MMP3: variants seen among roughly 807,000 people sequenced by gnomAD.
MMP3 encodes matrix metallopeptidase 3.
In MMP3, 46 loss-of-function variants were observed where a neutral mutation model predicts 47.3. That is an observed-to-expected ratio of 0.97 (90% CI 0.77 to 1.24). The LOEUF (loss-of-function observed/expected upper bound fraction) is 1.24, where lower values mean the gene tolerates loss of function less well. MMP3 is among the 50% of genes most tolerant of loss of function. The pLI is 0.00. For synonymous variants in MMP3, 216 were observed against 206.5 expected, an observed-to-expected ratio of 1.05 and a Z score of -0.39; for missense variants, 558 against 565.5, an observed-to-expected ratio of 0.99 and a Z score of 0.13.
At position 102,836,287 on chromosome 11, in the gene MMP3, T is replaced by C. The variant is rs1555004541; in HGVS notation, c.1334-61A>G. 1 of 1,301,262 alleles carries C rather than the reference T, an allele frequency of 7.7e-7. No individual in the cohort carries two copies. The highest frequency in any genetic ancestry group is 1.1e-6 in the Non-Finnish European group (1 of 903,324). 80.6% of individuals were successfully genotyped at this position (1,301,262 alleles called of 1,614,324 possible). ...TTCCAAATAAAGACATTTGACAATA[T>C]ACAAAACTCAGAATCATAGAGAACT... is the stretch of plus-strand genomic sequence containing the variant. On this transcript the variant is annotated intron_variant, in intron 9 of 9. Transcript: ENST00000299855. The surrounding 1 kb of genome is among the most constrained non-coding windows in gnomAD (Gnocchi z 4.6).
At chr11:102,843,073 C>T (rs1256766148) in intron 1 of MMP3, among the ~76,000 whole-genome samples, 157 bp from the exon 2 acceptor site, 1 of 150,736 alleles carries the variant, frequency 6.6e-6, no homozygotes, top group Non-Finnish European at 1.5e-5. Flanking sequence ...ATACTAGCAA[C>T]ACAAATATTT....
intron 4 of MMP3, among the ~76,000 whole-genome samples, chr11:102,841,403 C>A (rs1555005397): frequency 6.6e-6 from 1 of 152,176 alleles, no homozygotes; most frequent in Non-Finnish European, 1.5e-5. Flanking sequence ...CTCAACCAAT[C>A]AAGAATTCTA....
intron 3 of MMP3, 43 bp from the exon 4 acceptor site, chr11:102,842,322 C>T: frequency 6.4e-7 from 1 of 1,573,116 alleles, no homozygotes; most frequent in Non-Finnish European, 8.6e-7. Context: ...TAACAAGGAT[C>T]CCTTTTGAGC....
Position 102,836,153 on chromosome 11 carries a change from C to T in MMP3, c.1407G>A (p.Leu469=). 5 of 1,613,830 alleles carry T rather than the reference C, an allele frequency of 3.1e-6. No individual in the cohort carries two copies. Among genetic ancestry groups the T allele is most frequent in the Non-Finnish European group, 4.2e-6 (5 of 1,179,752 alleles). The stretch of plus-strand genomic sequence containing the variant: ...AACAATTAAGCCAGCTGTTACTCTT[C>T]AAAGTGTGTGTCACTTTCTTTGCAT... ...DPNAKKVTHT[L]KSNSWLNC Residue 469 remains leucine, a synonymous_variant, in exon 10 of 10, where the codon TTG becomes TTA. Transcript: ENST00000299855. The surrounding 1 kb of genome is among the most constrained non-coding windows in gnomAD (Gnocchi z 4.6).
chr11:102,838,244 G>A (rs1419040644), intron 8 of MMP3, among the ~76,000 whole-genome samples: 5 of 152,118 alleles, frequency 3.3e-5, no homozygotes, highest in African/African-American at 4.8e-5. Context: ...CTGCATGGAG[G>A]TGATGAGACT....
At chr11:102,840,736 G>C (rs1291024224) in intron 4 of MMP3, 143 bp from the exon 5 acceptor site, 1 of 768,314 alleles carries the variant, frequency 1.3e-6, no homozygotes, top group African/African-American at 1.8e-5. Context: ...TTGAACAATT[G>C]ACTAATTACA....
In MMP3 at chr11:102,837,534, G is replaced by A. The variant is rs1461735152; in HGVS notation, c.1230-133C>T. On this transcript the variant is annotated intron_variant, in intron 8 of 9. Coordinates refer to ENST00000299855, the MANE Select transcript of MMP3 (RefSeq NM_002422.5). The surrounding 1 kb of genome is among the most constrained non-coding windows in gnomAD (Gnocchi z 4.4). ...GCAAATAAATGCCAAGCATATTTGG[G>A]ACTATAGAAATATGTGACTTTAATG... is the stretch of plus-strand genomic sequence containing the variant. 1.5e-6 allele frequency: 1 copy of A among 665,084 alleles called. No homozygotes were observed. The highest frequency in any genetic ancestry group is 2.6e-6 in the Non-Finnish European group (1 of 387,152). 41.2% of individuals were successfully genotyped at this position (665,084 alleles called of 1,614,324 possible). A position where few individuals can be genotyped will look rare whatever the true frequency, so the allele number is the denominator to read the frequency against.
intron 8 of MMP3, 112 bp downstream of exon 8, chr11:102,838,439 C>T (rs1234039614): frequency 9.4e-6 from 11 of 1,164,082 alleles, no homozygotes; most frequent in Admixed American, 6.9e-5. Flanking sequence ...GAAGTCCCAT[C>T]CTTCCTACTA....
intron 4 of MMP3, among the ~76,000 whole-genome samples, chr11:102,841,509 A>AT (rs1377941497): frequency 1.7e-4 from 26 of 152,106 alleles, no homozygotes; most frequent in Non-Finnish European, 2.6e-4. Flanking sequence ...TTGTTTTCCT[A>AT]TTTTTTTAGA....
intron 4 of MMP3, among the ~76,000 whole-genome samples, chr11:102,840,878 A>G (rs1248556247): frequency 6.6e-6 from 1 of 150,422 alleles, no homozygotes; most frequent in Non-Finnish European, 1.5e-5. Flanking sequence ...TATTAACTCC[A>G]GAAGAACCAG....
Position 102,837,348 on chromosome 11 carries a change from T to C in MMP3, c.1283A>G (p.Glu428Gly), listed in dbSNP as rs782820652. 13 of 1,613,910 alleles carry C rather than the reference T, an allele frequency of 8.1e-6. 1 individual carries two copies. In the South Asian group the frequency reaches 1.4e-4, roughly 18 times the overall value. The change falls in exon 9 of 10, where the codon GAA (glutamate) becomes GGA (glycine). Residue 428 changes from glutamate (E) to glycine (G), a missense_variant. By Grantham distance (98) the Glu-to-Gly change is moderately conservative. Transcript: ENST00000299855. The surrounding 1 kb of genome is among the most constrained non-coding windows in gnomAD (Gnocchi z 4.4). ...MEPGFPKQIAEDFPGIDSKID... is the reference protein window; with the variant it reads ...MEPGFPKQIAGDFPGIDSKID... Reference sequence around the variant, plus strand: ...CTTTGAGTCAATCCCTGGAAAGTCTTCAGCTATTTGCTTGGGAAAGCCTGG... The same window carrying C: ...CTTTGAGTCAATCCCTGGAAAGTCTCCAGCTATTTGCTTGGGAAAGCCTGG...
At chr11:102,842,404 C>CTTTTTTTTTTTTTTTTTTTTTTTTTT (rs11418340) in intron 3 of MMP3, 27 bp downstream of exon 3, 19 of 813,332 alleles carry the variant, frequency 2.3e-5, no homozygotes, top group African/African-American at 5.9e-5. Context: ...TTTTGTTTTG[C>CTTTTTTTTTTTTTTTTTTTTTTTTTT]TTTTTTTTTT....
chr11:102,841,140 A>G (rs185188977), intron 4 of MMP3, among the ~76,000 whole-genome samples: 2 of 152,338 alleles, frequency 1.3e-5, no homozygotes, highest in Admixed American at 1.3e-4. Context: ...TTTAAAACAC[A>G]GTATGCCCAA....
At chr11:102,841,442 C>A (rs538917131) in intron 4 of MMP3, among the ~76,000 whole-genome samples, 48 of 152,276 alleles carry the variant, frequency 3.2e-4, no homozygotes, top group African/African-American at 1.2e-3. Flanking sequence ...TTTGTACGTC[C>A]TACAGAGGTT....
In MMP3 at chr11:102,842,290, A is replaced by C. The variant is rs1555005588; in HGVS notation, c.500-11T>G. 2 of 1,594,558 alleles carry C rather than the reference A, an allele frequency of 1.3e-6. No homozygotes were observed. The highest frequency in any genetic ancestry group is 8.5e-7 in the Non-Finnish European group (1 of 1,174,160). On this transcript the variant is annotated splice_polypyrimidine_tract_variant and intron_variant, in intron 3 of 9. Coordinates refer to ENST00000299855, the MANE Select transcript of MMP3 (RefSeq NM_002422.5). ...AAAAGTCTCCATGTTCTAGTAGGAA[A>C]AAAATTTATTGGAAAGATATGTAAC...
At chr11:102,838,519 C>A in intron 8 of MMP3, 32 bp downstream of exon 8, 1 of 1,597,220 alleles carries the variant, frequency 6.3e-7, no homozygotes, top group Non-Finnish European at 8.5e-7. Flanking sequence ...CCTAATTAGG[C>A]TCCATACAAA....
intron 8 of MMP3, among the ~76,000 whole-genome samples, 171 bp downstream of exon 8, chr11:102,838,380 G>C (rs761417648): frequency 3.3e-5 from 5 of 152,150 alleles, no homozygotes; most frequent in Non-Finnish European, 4.4e-5. Context: ...GAAAGCAGGA[G>C]AGCCTAAGGT....
rs781952098 is a variant in MMP3 at position 102,840,226 on chromosome 11, G to T, written c.817C>A (p.Pro273Thr). Reference sequence around the variant, plus strand: ...GGGACAGGTTCCGTGGGTACCAGGGGGGTCTCAGGGGAGTCAGGGGGAGGT... The same window carrying T: ...GGGACAGGTTCCGTGGGTACCAGGGTGGTCTCAGGGGAGTCAGGGGGAGGT... ...YGPPPDSPET[P>T]LVPTEPVPPE... The change falls in exon 6 of 10, where the codon CCC (proline) becomes ACC (threonine). Residue 273 changes from proline (P) to threonine (T), a missense_variant. Physicochemically the swap from Pro to Thr is conservative, Grantham distance 38. Transcript: ENST00000299855. 6.2e-7 allele frequency: 1 copy of T among 1,613,852 alleles called. No individual in the cohort carries two copies. Among genetic ancestry groups the T allele is most frequent in the African/African-American group, 1.3e-5 (1 of 74,894 alleles).
rs782102554 is a variant in MMP3 at position 102,837,321 on chromosome 11, A to G, written c.1310T>C (p.Ile437Thr). 3 of 1,613,362 alleles carry G rather than the reference A, an allele frequency of 1.9e-6. No individual in the cohort carries two copies. Among genetic ancestry groups the G allele is most frequent in the Non-Finnish European group, 2.5e-6 (3 of 1,179,870 alleles). ...ACCAAATTCTTCAAAAACAGCATCA[A>G]TCTTTGAGTCAATCCCTGGAAAGTC... ...AEDFPGIDSK[I>T]DAVFEEFGFF... Residue 437 changes from isoleucine (I) to threonine (T), a missense_variant, in exon 9 of 10, where the codon ATT becomes ACT. Coordinates refer to ENST00000299855, the MANE Select transcript of MMP3 (RefSeq NM_002422.5). The surrounding 1 kb of genome is among the most constrained non-coding windows in gnomAD (Gnocchi z 4.4).
Sources: allele counts gnomAD v4.1 joint callset (sites outside exome capture counted in the v4.1 genomes callset), GRCh38; gene constraint gnomAD v4.1.1; non-coding constraint Gnocchi (gnomAD v3.1); transcripts MANE v1.5; gene names NCBI Gene and HGNC (gene_info 2026-07-23, HGNC 2026-07-21).